TRDN: variants seen among roughly 807,000 people sequenced by gnomAD.
TRDN encodes the protein triadin, also known as triadin in skeletal muscle.
A neutral mutation model predicts 149.7 loss-of-function variants in TRDN; 161 were observed. That is an observed-to-expected ratio of 1.08 (90% confidence interval 0.95 to 1.23). TRDN has a LOEUF of 1.23. TRDN is among the 50% of genes most tolerant of loss of function. TRDN has a pLI of 0.00. For missense variants in TRDN, 896 were observed against 823.5 expected, an observed-to-expected ratio of 1.09 and a Z score of -1.08; for synonymous variants, 294 against 250.5, an observed-to-expected ratio of 1.17 and a Z score of -1.64.
At chr6:123,377,630 C>A (rs189532908) in intron 18 of TRDN, 86 bp downstream of exon 18, 4 of 1,495,164 alleles carry the variant, frequency 2.7e-6, no homozygotes, top group Admixed American at 3.6e-5. Flanking sequence ...CCTTTACTGG[C>A]GCTGCCTTAC....
At chr6:123,299,332 C>CT (rs1345972821) in intron 24 of TRDN, among the ~76,000 whole-genome samples, 2 of 151,930 alleles carry the variant, frequency 1.3e-5, no homozygotes, top group African/African-American at 4.8e-5. Context: ...AAGCATGGCC[C>CT]TTAAAGGAAC....
chr6:123,374,764 A>C (rs7741906), intron 19 of TRDN, among the ~76,000 whole-genome samples: 26,181 of 151,738 alleles, frequency 0.17, 2,605 homozygotes, highest in African/African-American at 0.29. Flanking sequence ...ACAGAGAAAG[A>C]CTCCATCAAA....
At chr6:123,615,578 C>T (rs1785042175) in intron 1 of TRDN, among the ~76,000 whole-genome samples, 1 of 151,450 alleles carries the variant, frequency 6.6e-6, no homozygotes, top group South Asian at 2.1e-4. Flanking sequence ...ATTATTTGTC[C>T]CTAAAAAAGA....
chr6:123,221,401 G>A, intron 40 of TRDN, 86 bp downstream of exon 40: 1 of 968,560 alleles, frequency 1.0e-6, no homozygotes, highest in Non-Finnish European at 1.5e-6. Flanking sequence ...TCGAATACTG[G>A]TCTTAAGAGA....
chr6:123,516,188 TC>T lies in TRDN; in HGVS notation c.502del (p.Glu168LysfsTer7). The part of the protein sequence containing the change: ...IQTKVTHKEK[E>X]KGKEKVREKE... ...TTCTCTTACTTTTTCTTTTCCTTTT[TC>T]TTTTTCTTTGTGTGTAACTGAAAAG... On this transcript the variant is annotated frameshift_variant, in exon 6 of 41. Transcript: ENST00000334268. LOFTEE classifies it high-confidence loss of function. 3.4e-6 allele frequency: 5 copies of T among 1,484,034 alleles called. No homozygotes were observed. In the South Asian group the frequency reaches 6.2e-5, roughly 18 times the overall value. The allele number at this position is 1,484,034 out of a possible 1,614,324, so 91.9% of individuals were successfully genotyped here.
chr6:123,412,701 C>G (rs915007797), intron 12 of TRDN, among the ~76,000 whole-genome samples: 2 of 152,060 alleles, frequency 1.3e-5, no homozygotes, highest in Non-Finnish European at 2.9e-5. Context: ...ACTTACCAAA[C>G]TCGGATATGT....
chr6:123,492,663 A>G (rs1034856012), intron 9 of TRDN, among the ~76,000 whole-genome samples: 1 of 152,158 alleles, frequency 6.6e-6, no homozygotes, highest in Non-Finnish European at 1.5e-5. Context: ...TTGAAAAGGA[A>G]ATTGGAATTA....
chr6:123,541,326 C>T (rs1245162316), intron 4 of TRDN, among the ~76,000 whole-genome samples: 2 of 152,110 alleles, frequency 1.3e-5, no homozygotes, highest in African/African-American at 2.4e-5. Flanking sequence ...TTTGTTTCAT[C>T]CTGGGTCACT....
In TRDN at chr6:123,386,902, G is replaced by C. The variant is rs565999933; in HGVS notation, c.1135+1620C>G. Among the ~76,000 whole-genome samples, 4 of 152,232 alleles carry C rather than the reference G, an allele frequency of 2.6e-5. No homozygotes were observed. In the East Asian group the frequency reaches 7.7e-4, roughly 29 times the overall value. On this transcript the variant is annotated intron_variant, in intron 14 of 40. Transcript: ENST00000334268. Reference sequence around the variant, plus strand: ...TAATAAATTGTCTCAATCTCAAAAAGGGATCATTGCATCTTTACTGTTGGA... The same window carrying C: ...TAATAAATTGTCTCAATCTCAAAAACGGATCATTGCATCTTTACTGTTGGA...
chr6:123,528,745 C>T (rs6940253), intron 5 of TRDN: 629,808 of 987,938 alleles, frequency 0.64, 203,428 homozygotes, highest in Non-Finnish European at 0.66. Context: ...TTAGTCTACC[C>T]CATTTACAGA....
chr6:123,343,271 C>T (rs1485942366), intron 21 of TRDN, among the ~76,000 whole-genome samples: 3 of 151,810 alleles, frequency 2.0e-5, no homozygotes, highest in African/African-American at 7.3e-5. Flanking sequence ...TTTATAATAA[C>T]TTCTGATTAT....
chr6:123,235,826 C>T (rs1188113245), intron 38 of TRDN, among the ~76,000 whole-genome samples: 1 of 152,094 alleles, frequency 6.6e-6, no homozygotes, highest in African/African-American at 2.4e-5. Flanking sequence ...AGCTTAGCTT[C>T]AGAAGAAATA....
chr6:123,634,578 A>G (rs7774820), intron 1 of TRDN, among the ~76,000 whole-genome samples: 30,007 of 151,960 alleles, frequency 0.2, 6,611 homozygotes, highest in African/African-American at 0.55. Context: ...CTGGAGGAAG[A>G]CAATTGTAGC....
intron 12 of TRDN, among the ~76,000 whole-genome samples, chr6:123,425,046 G>A (rs1359545050): frequency 5.3e-5 from 8 of 152,114 alleles, no homozygotes; most frequent in African/African-American, 1.4e-4. Flanking sequence ...GTTCATAAAG[G>A]TAGTGAGGAA....
intron 2 of TRDN, among the ~76,000 whole-genome samples, chr6:123,561,043 C>G (rs1357389156): frequency 6.6e-6 from 1 of 152,180 alleles, no homozygotes; most frequent in African/African-American, 2.4e-5. Context: ...TGCCCCGAGT[C>G]AGAAAACTAA....
intron 12 of TRDN, among the ~76,000 whole-genome samples, chr6:123,426,119 T>C (rs1257618455): frequency 1.3e-5 from 2 of 152,122 alleles, no homozygotes; most frequent in African/African-American, 4.8e-5. Flanking sequence ...TATTGCATTG[T>C]CTTCTGCCAA....
chr6:123,313,409 A>G (rs1429465555), intron 24 of TRDN, among the ~76,000 whole-genome samples: 1 of 151,900 alleles, frequency 6.6e-6, no homozygotes, highest in Non-Finnish European at 1.5e-5. Flanking sequence ...ATTCTTTCTC[A>G]TCTTTGTGGG....
chr6:123,273,645 T>C (rs1209711702), intron 27 of TRDN, among the ~76,000 whole-genome samples: 1 of 152,062 alleles, frequency 6.6e-6, no homozygotes, highest in Non-Finnish European at 1.5e-5. Flanking sequence ...TGATCCTTAA[T>C]ATATTGTAAA....
intron 7 of TRDN, among the ~76,000 whole-genome samples, chr6:123,507,991 T>TCA (rs1779007863): frequency 4.5e-5 from 2 of 44,612 alleles, no homozygotes. Flanking sequence ...TTTCTTTGCG[T>TCA]TAAAAAAAAA....
Sources: allele counts gnomAD v4.1 joint callset (sites outside exome capture counted in the v4.1 genomes callset), GRCh38; gene constraint gnomAD v4.1.1; transcripts MANE v1.5; gene names NCBI Gene and HGNC (gene_info 2026-07-23, HGNC 2026-07-21).